Variants in CNTN5 observed in about 807,000 individuals in gnomAD.
The protein encoded by CNTN5 is contactin-5.
In CNTN5, 77 loss-of-function variants were observed where a neutral mutation model predicts 129.1. The ratio of observed to expected loss-of-function variants is 0.60; its 90% CI spans 0.50 to 0.72. CNTN5 has a LOEUF of 0.72. CNTN5 is among the 30% of genes least tolerant of loss of function. The pLI is 0.00. For missense variants in CNTN5, 1,478 were observed against 1,328.8 expected (o/e 1.11, Z -1.75); for synonymous variants, 509 against 465.6 (o/e 1.09, Z -1.20).
At chr11:99,099,617 A>G (rs906069790) in intron 1 of CNTN5, among the ~76,000 whole-genome samples, 14 of 151,938 alleles carry the variant, frequency 9.2e-5, no homozygotes, top group Non-Finnish European at 2.1e-4. Context: ...CACATATTAT[A>G]CAATCTGGTA....
chr11:100,162,306 C>A (rs531037746), intron 13 of CNTN5, among the ~76,000 whole-genome samples: 1 of 151,970 alleles, frequency 6.6e-6, no homozygotes, highest in Admixed American at 6.6e-5. Flanking sequence ...GATAATGCAG[C>A]CACTTTCATT....
At chr11:99,355,950 C>T (rs1349455003) in intron 2 of CNTN5, among the ~76,000 whole-genome samples, 2 of 151,906 alleles carry the variant, frequency 1.3e-5, no homozygotes, top group African/African-American at 4.8e-5. Context: ...CCTCAGCCTC[C>T]CAAGTAGCTG....
intron 1 of CNTN5, among the ~76,000 whole-genome samples, chr11:99,222,363 C>G (rs1157138516): frequency 6.6e-6 from 1 of 151,114 alleles, no homozygotes; most frequent in Non-Finnish European, 1.5e-5. Context: ...GTTGGGGGGA[C>G]AGGAAAAATG....
At chr11:99,487,837 T>A (rs1268112441) in intron 2 of CNTN5, among the ~76,000 whole-genome samples, 1 of 152,228 alleles carries the variant, frequency 6.6e-6, no homozygotes, top group Admixed American at 6.5e-5. Context: ...GAGTTAAGAA[T>A]AAGTTCTCTC....
At position 100,051,255 on chromosome 11, in the gene CNTN5, C is replaced by A. The variant is rs1485078567; in HGVS notation, c.981-9957C>A. Among the ~76,000 whole-genome samples the A allele has an allele frequency of 5.3e-5, 8 of 151,962 alleles. No individual in the cohort carries two copies. In the East Asian group the frequency reaches 1.3e-3, roughly 26 times the overall value. On this transcript the variant is annotated intron_variant, in intron 9 of 24. Transcript: ENST00000524871. ...ATAAATTATGTGTTGGGCCGTAAAA[C>A]AAGTCTTACCCCTAAAAAAGACTAA...
intron 17 of CNTN5, among the ~76,000 whole-genome samples, chr11:100,266,297 C>A (rs1048090091): frequency 7.4e-4 from 113 of 152,174 alleles, no homozygotes; most frequent in African/African-American, 1.9e-3. Context: ...CCCTGAGTCA[C>A]TATAAGGTCT....
intron 8 of CNTN5, among the ~76,000 whole-genome samples, chr11:99,964,762 G>C (rs555578151): frequency 2.2e-4 from 34 of 152,314 alleles, no homozygotes; most frequent in Admixed American, 2.2e-3. Flanking sequence ...ACCTCTGGTA[G>C]AATTCAGCTG....
At chr11:99,700,307 C>G (rs1002680047) in intron 3 of CNTN5, among the ~76,000 whole-genome samples, 10 of 151,318 alleles carry the variant, frequency 6.6e-5, no homozygotes, top group African/African-American at 9.7e-5. Context: ...TATGATCACA[C>G]AACTTGATAG....
Position 99,121,702 on chromosome 11 carries a change from A to C in CNTN5, c.-210+100432A>C, listed in dbSNP as rs979150825. Among the ~76,000 whole-genome samples, 5 of 152,186 alleles carry C rather than the reference A, an allele frequency of 3.3e-5. No homozygotes were observed. The South Asian group carries it at 1.0e-3, about 31-fold the overall frequency. The stretch of plus-strand genomic sequence containing the variant: ...TGCTCGGGGGCAGCAATGAAACACC[A>C]GAGGTGGTATCCTGTTATGACCCTT... On this transcript the variant is annotated intron_variant, in intron 1 of 24. Transcript: ENST00000524871.
At chr11:99,932,184 G>C (rs1057083877) in intron 7 of CNTN5, among the ~76,000 whole-genome samples, 1 of 152,128 alleles carries the variant, frequency 6.6e-6, no homozygotes, top group African/African-American at 2.4e-5. Context: ...GTTGAAACGT[G>C]TATTTTATTT....
At chr11:100,327,790 A>G (rs1951821179) in intron 21 of CNTN5, among the ~76,000 whole-genome samples, 1 of 152,210 alleles carries the variant, frequency 6.6e-6, no homozygotes, top group African/African-American at 2.4e-5. Context: ...GTAAAATATC[A>G]AATTTCAATA....
At chr11:99,408,502 G>GT (rs1942238393) in intron 2 of CNTN5, among the ~76,000 whole-genome samples, 14 of 146,474 alleles carry the variant, frequency 9.6e-5, no homozygotes, top group South Asian at 2.3e-4. Context: ...AAGAAAGAAA[G>GT]AAAGTTAGTT....
In CNTN5 at chr11:99,193,961, G is replaced by A. The variant is rs576098396; in HGVS notation, c.-209-131385G>A. ...TCTCAAGAAAATGTTTTAAATGACT[G>A]TGTTTTAAAATGAATAGAGAACATG... is the stretch of plus-strand genomic sequence containing the variant. On this transcript the variant is annotated intron_variant, in intron 1 of 24. Transcript: ENST00000524871. Among the ~76,000 whole-genome samples, 23 of 148,708 alleles carry A rather than the reference G, an allele frequency of 1.5e-4. 1 individual carries two copies. In the South Asian group the frequency reaches 4.9e-3, roughly 32 times the overall value.
At chr11:99,895,319 T>A (rs1949177299) in intron 6 of CNTN5, among the ~76,000 whole-genome samples, 1 of 152,234 alleles carries the variant, frequency 6.6e-6, no homozygotes, top group Non-Finnish European at 1.5e-5. Context: ...AGACTTGATC[T>A]GTACAGTAAG....
At chr11:99,842,190 C>T (rs945313609) in intron 4 of CNTN5, among the ~76,000 whole-genome samples, 2 of 152,100 alleles carry the variant, frequency 1.3e-5, no homozygotes, top group Non-Finnish European at 2.9e-5. Context: ...CCACCACACC[C>T]GGGTATTTCC....
intron 3 of CNTN5, among the ~76,000 whole-genome samples, chr11:99,581,627 C>T (rs993784175): frequency 2.0e-5 from 3 of 152,098 alleles, no homozygotes; most frequent in Admixed American, 2.0e-4. Flanking sequence ...GGTTTAAAGT[C>T]CGTTTTATCC....
intron 1 of CNTN5, among the ~76,000 whole-genome samples, chr11:99,138,754 A>C (rs984885528): frequency 3.3e-5 from 5 of 152,216 alleles, no homozygotes; most frequent in Non-Finnish European, 7.3e-5. Flanking sequence ...AGACATAAAA[A>C]TAAAGCATCT....
chr11:99,725,061 G>A (rs369702157), intron 3 of CNTN5, among the ~76,000 whole-genome samples: 118 of 152,260 alleles, frequency 7.7e-4, no homozygotes, highest in African/African-American at 2.7e-3. Context: ...GTCTCAAAAT[G>A]GCCCAGCAAA....
intron 2 of CNTN5, among the ~76,000 whole-genome samples, chr11:99,394,331 T>A (rs1311082576): frequency 2.0e-5 from 3 of 151,636 alleles, no homozygotes; most frequent in Non-Finnish European, 4.4e-5. Context: ...TTATAAAGAT[T>A]TAATGTATCT....
Sources: allele counts gnomAD v4.1 joint callset (sites outside exome capture counted in the v4.1 genomes callset), GRCh38; gene constraint gnomAD v4.1.1; transcripts MANE v1.5; gene names NCBI Gene and HGNC (gene_info 2026-07-23, HGNC 2026-07-21).